Variants in AKAP10 observed in about 807,000 individuals in gnomAD.
AKAP10 encodes the protein A-kinase anchoring protein 10, also known as A-kinase anchor protein 10, mitochondrial.
A neutral mutation model predicts 80.8 loss-of-function variants in AKAP10; 24 were observed. The ratio of observed to expected loss-of-function variants is 0.30; its 90% CI spans 0.22 to 0.42. AKAP10 has a LOEUF of 0.42. AKAP10 is among the 10% of genes least tolerant of loss of function. The pLI is 1.00. For missense variants in AKAP10, 661 were observed against 794.9 expected, an observed-to-expected ratio of 0.83 and a Z score of 2.03; for synonymous variants, 291 against 277.7, an observed-to-expected ratio of 1.05 and a Z score of -0.48.
rs761482819 is a variant in AKAP10 at position 19,958,386 on chromosome 17, T to C, written c.505A>G (p.Ile169Val). 2.7e-5 allele frequency: 43 copies of C among 1,614,118 alleles called. No individual in the cohort carries two copies. The highest frequency in any genetic ancestry group is 3.4e-5 in the Non-Finnish European group (40 of 1,180,042). ...ESFHSTTWSR[I>V]RAHSLNTVKQ... The stretch of plus-strand genomic sequence containing the variant: ...ACTGTGTTTAGACTGTGTGCTCTTA[T>C]TCGCGACCAAGTTGTTGAATGAAAA... Residue 169 changes from isoleucine to valine, a missense_variant, in exon 4 of 15, where the codon ATA becomes GTA. Ile to Val is a conservative substitution (Grantham distance 29, BLOSUM62 3). Coordinates refer to ENST00000225737, the MANE Select transcript of AKAP10 (RefSeq NM_007202.4).
Position 19,962,949 on chromosome 17 carries a change from A to G in AKAP10, c.210T>C (p.His70=), listed in dbSNP as rs769539787. 6.2e-7 allele frequency: 1 copy of G among 1,614,104 alleles called. No homozygotes were observed. The highest frequency in any genetic ancestry group is 1.1e-5 in the South Asian group (1 of 91,086). Residue 70 remains histidine, a synonymous_variant, in exon 3 of 15, where the codon CAT becomes CAC. Transcript: ENST00000225737. ...TGGCAGAAATGGCATTGATTGCAAC[A>G]TGACTTGGTCCTGCAGCCTCCAGCA... The part of the protein sequence containing the change: ...HALLEAAGPS[H]VAINAISANM...
chr17:19,915,976 G>A (rs1220349518), intron 12 of AKAP10, among the ~76,000 whole-genome samples: 1 of 152,146 alleles, frequency 6.6e-6, no homozygotes, highest in African/African-American at 2.4e-5. Flanking sequence ...GGTCTCTGGT[G>A]ACCTCCCAAC....
chr17:19,949,595 C>A (rs1322719005), intron 4 of AKAP10, among the ~76,000 whole-genome samples: 1 of 151,858 alleles, frequency 6.6e-6, no homozygotes, highest in Non-Finnish European at 1.5e-5. Flanking sequence ...CACAGTGAAA[C>A]CGTCTCTACT....
chr17:19,934,136 G>A (rs2152413390), intron 9 of AKAP10, among the ~76,000 whole-genome samples: 1 of 152,120 alleles, frequency 6.6e-6, no homozygotes, highest in Admixed American at 6.5e-5. Flanking sequence ...GGTCAGGCTG[G>A]TCTCAAACTC....
At chr17:19,947,906 G>A (rs1482070280) in intron 4 of AKAP10, among the ~76,000 whole-genome samples, 1 of 151,632 alleles carries the variant, frequency 6.6e-6, no homozygotes, top group Non-Finnish European at 1.5e-5. Flanking sequence ...AAGCTTGTGT[G>A]GATGAAAGAT....
intron 1 of AKAP10, among the ~76,000 whole-genome samples, chr17:19,974,356 C>T (rs2043538144): frequency 6.6e-6 from 1 of 152,132 alleles, no homozygotes; most frequent in South Asian, 2.1e-4. Flanking sequence ...TGAATGTGCC[C>T]AACACAAATT....
At chr17:19,966,860 C>G (rs1597530651) in intron 2 of AKAP10, among the ~76,000 whole-genome samples, 1 of 152,098 alleles carries the variant, frequency 6.6e-6, no homozygotes, top group Middle Eastern at 3.4e-3. Flanking sequence ...CAGGTCTCTG[C>G]TTGAGAAGGG....
chr17:19,936,430 C>T lies in AKAP10; in HGVS notation c.1323G>A (p.Lys441=), dbSNP rs1359444654. The T allele has an allele frequency of 1.3e-6, 2 of 1,599,642 alleles. No homozygotes were observed. Among genetic ancestry groups the T allele is most frequent in the Non-Finnish European group, 1.7e-6 (2 of 1,170,408 alleles). The change falls in exon 9 of 15, where the codon AAG becomes AAA. Residue 441 remains lysine, a splice_region_variant and synonymous_variant. Transcript: ENST00000225737. ...GATGTGTGGCTTGGAGGGAGAAGTA[C>T]CTATGGTAAAAAGATATCCGAAGTA... ...AQNDAMILYD[K]YFSLQATHPL... is the part of the protein sequence containing the mutation.
chr17:19,943,742 A>T (rs1284205968), intron 5 of AKAP10, among the ~76,000 whole-genome samples: 1 of 152,260 alleles, frequency 6.6e-6, no homozygotes, highest in Non-Finnish European at 1.5e-5. Flanking sequence ...TCAGAAGCAC[A>T]GGCCACAACT....
At chr17:19,917,710 G>A (rs1019215129) in intron 12 of AKAP10, among the ~76,000 whole-genome samples, 2 of 151,732 alleles carry the variant, frequency 1.3e-5, no homozygotes, top group African/African-American at 4.8e-5. Context: ...CAAGGTGGGC[G>A]GATCACTTGA....
chr17:19,942,566 G>A (rs1259894948), intron 5 of AKAP10, among the ~76,000 whole-genome samples: 1 of 152,092 alleles, frequency 6.6e-6, no homozygotes, highest in Non-Finnish European at 1.5e-5. Flanking sequence ...CTATTTCTGG[G>A]ATTGTAACTT....
rs886278319 is a variant in AKAP10, at chr17:19,968,337, T to G, written c.136+77A>C. ...AAATGATTAATGCCAAAAGAGAGAG[T>G]ATAACAGGATTAAAGAACTCACAAA... On this transcript the variant is annotated intron_variant, in intron 2 of 14. Coordinates refer to ENST00000225737, the MANE Select transcript of AKAP10 (RefSeq NM_007202.4). 5.4e-6 allele frequency: 6 copies of G among 1,105,714 alleles called. No individual in the cohort carries two copies. The African/African-American group carries it at 9.5e-5, about 18-fold the overall frequency. The allele number at this position is 1,105,714 out of a possible 1,614,324, so 68.5% of individuals were successfully genotyped here.
chr17:19,912,092 C>G (rs2042697429), intron 12 of AKAP10, among the ~76,000 whole-genome samples: 1 of 151,948 alleles, frequency 6.6e-6, no homozygotes, highest in African/African-American at 2.4e-5. Flanking sequence ...CTTGCTTGCC[C>G]TTCTCATAAT....
chr17:19,939,590 G>T, intron 8 of AKAP10, 123 bp downstream of exon 8: 1 of 1,136,826 alleles, frequency 8.8e-7, no homozygotes, highest in Non-Finnish European at 1.2e-6. Context: ...TATAAAAGCA[G>T]CTTTTATGCT....
In AKAP10 at chr17:19,977,720, G is replaced by A. The variant is rs1042155079; in HGVS notation, c.-41C>T. 5.9e-6 allele frequency: 7 copies of A among 1,180,236 alleles called. No homozygotes were observed. The highest frequency in any genetic ancestry group is 7.5e-6 in the Non-Finnish European group (7 of 937,862). The allele number at this position is 1,180,236 out of a possible 1,614,324, so 73.1% of individuals were successfully genotyped here. A position where few individuals can be genotyped will look rare whatever the true frequency, so the allele number is the denominator to read the frequency against. ...GACTTCCGGGTCCAGAGGGGCCGCT[G>A]CACTAGCGCGAAAAGGGACCCTTCT... is the stretch of plus-strand genomic sequence containing the variant. On this transcript the variant is annotated 5_prime_UTR_variant, in exon 1 of 15. Coordinates refer to ENST00000225737, the MANE Select transcript of AKAP10 (RefSeq NM_007202.4).
intron 12 of AKAP10, among the ~76,000 whole-genome samples, chr17:19,916,939 A>AAAAT (rs753215350): frequency 6.5e-4 from 93 of 142,744 alleles, no homozygotes; most frequent in Middle Eastern, 8.1e-3. Context: ...TCTGTCTCAA[A>AAAAT]AAATAAATAA....
intron 10 of AKAP10, among the ~76,000 whole-genome samples, chr17:19,930,758 A>G (rs970106817): frequency 7.2e-5 from 11 of 152,140 alleles, no homozygotes; most frequent in Non-Finnish European, 1.3e-4. Context: ...GTCACCATGC[A>G]GGAGTGCAGT....
At position 19,977,603 on chromosome 17, in the gene AKAP10, A is replaced by C; in HGVS notation, c.77T>G (p.Phe26Cys). Residue 26 changes from phenylalanine (F) to cysteine (C), a missense_variant, in exon 1 of 15, where the codon TTC becomes TGC. By Grantham distance (205) the Phe-to-Cys change is radical (BLOSUM62 -2). Coordinates refer to ENST00000225737, the MANE Select transcript of AKAP10 (RefSeq NM_007202.4). ...RPDPGPAMSF[F>C]RRKVKGKEQE... is the part of the protein sequence containing the mutation. ...GCCCCCTCAGCTACCTTTCCGCCGG[A>C]AGAAGGACATGGCGGGGCCCGGGTC... 8.1e-7 allele frequency: 1 copy of C among 1,234,682 alleles called. No individual in the cohort carries two copies. The highest frequency in any genetic ancestry group is 1.0e-6 in the Non-Finnish European group (1 of 987,956). 76.5% of individuals were successfully genotyped at this position (1,234,682 alleles called of 1,614,324 possible).
At chr17:19,960,225 A>G (rs6587205) in intron 3 of AKAP10, among the ~76,000 whole-genome samples, 151,497 of 152,332 alleles carry the variant, frequency 0.99, 75,361 homozygotes, top group Middle Eastern at 1. Context: ...AGTTTTATCT[A>G]TACTCATTCT....
Sources: allele counts gnomAD v4.1 joint callset (sites outside exome capture counted in the v4.1 genomes callset), GRCh38; gene constraint gnomAD v4.1.1; transcripts MANE v1.5; gene names NCBI Gene and HGNC (gene_info 2026-07-23, HGNC 2026-07-21).